The following KIF13B variants were observed in gnomAD, a reference collection of about 807,000 sequenced individuals.
KIF13B encodes kinesin family member 13B, also known as kinesin-like protein KIF13B.
Under a neutral mutation model 222.0 loss-of-function variants are expected in KIF13B, and 127 were observed. That is an observed-to-expected ratio of 0.57 (90% CI 0.50 to 0.66). The LOEUF (loss-of-function observed/expected upper bound fraction) is 0.66. Ranked by LOEUF, KIF13B falls within the 30% of genes least tolerant of loss-of-function variation. The pLI is 0.00. For missense variants in KIF13B, 2,173 were observed against 2,379.0 expected (o/e 0.91, Z 1.80); for synonymous variants, 976 against 919.0 (o/e 1.06, Z -1.12).
At chr8:29,224,361 A>C (rs997503572) in intron 2 of KIF13B, among the ~76,000 whole-genome samples, 13 of 152,136 alleles carry the variant, frequency 8.5e-5, no homozygotes, top group Admixed American at 7.2e-4. Context: ...AAAAGAAGAG[A>C]GTATATAGAA....
At chr8:29,156,232 A>G (rs1811519755) in intron 13 of KIF13B, among the ~76,000 whole-genome samples, 1 of 152,148 alleles carries the variant, frequency 6.6e-6, no homozygotes, top group Admixed American at 6.5e-5. Context: ...TGGCCTCTCA[A>G]AGTGCTGGGA....
intron 37 of KIF13B, among the ~76,000 whole-genome samples, chr8:29,076,473 A>G (rs1807564427): frequency 1.3e-5 from 2 of 152,176 alleles, no homozygotes; most frequent in Middle Eastern, 3.2e-3. Context: ...GCGTCTGGGC[A>G]CTTGAGGCCT....
chr8:29,156,690 T>A (rs891195672), intron 13 of KIF13B, among the ~76,000 whole-genome samples: 4 of 151,220 alleles, frequency 2.6e-5, no homozygotes, highest in Admixed American at 6.7e-5. Context: ...TTTTTTTTTT[T>A]TTTTTTTTTT....
chr8:29,124,844 T>G (rs1207843144), intron 26 of KIF13B, among the ~76,000 whole-genome samples: 2 of 145,722 alleles, frequency 1.4e-5, no homozygotes, highest in Non-Finnish European at 3.0e-5. Context: ...GACTGTGCCA[T>G]GGCACTCCAG....
intron 2 of KIF13B, among the ~76,000 whole-genome samples, chr8:29,243,655 CAA>C (rs879661015): frequency 2.5e-5 from 3 of 121,404 alleles, no homozygotes; most frequent in African/African-American, 3.0e-5. Flanking sequence ...GACTCTGCCT[CAA>C]AAAAAAAAAA....
chr8:29,105,855 C>T (rs1235382682), intron 35 of KIF13B, among the ~76,000 whole-genome samples: 1 of 151,750 alleles, frequency 6.6e-6, no homozygotes, highest in African/African-American at 2.4e-5. Context: ...GACGGGGTTT[C>T]ACCATGTTGG....
intron 36 of KIF13B, among the ~76,000 whole-genome samples, chr8:29,093,269 T>C (rs1297794943): frequency 1.3e-5 from 2 of 152,202 alleles, no homozygotes; most frequent in African/African-American, 2.4e-5. Context: ...TTTAAGCTCT[T>C]TGAAGTCAGG....
At chr8:29,125,251 T>A (rs1325224494) in intron 26 of KIF13B, among the ~76,000 whole-genome samples, 1 of 152,110 alleles carries the variant, frequency 6.6e-6, no homozygotes, top group African/African-American at 2.4e-5. Flanking sequence ...ATCAACAGAA[T>A]AACAACCTAC....
chr8:29,233,682 C>A (rs550056355), intron 2 of KIF13B, among the ~76,000 whole-genome samples: 4 of 152,176 alleles, frequency 2.6e-5, no homozygotes, highest in Non-Finnish European at 5.9e-5. Context: ...GAATTAGAAG[C>A]TGAGAAATTT....
intron 21 of KIF13B, among the ~76,000 whole-genome samples, chr8:29,139,086 T>G (rs1327270138): frequency 1.3e-5 from 2 of 152,076 alleles, no homozygotes; most frequent in Non-Finnish European, 2.9e-5. Flanking sequence ...TGAAACGAGG[T>G]TGACCACAGG....
intron 18 of KIF13B, among the ~76,000 whole-genome samples, chr8:29,144,450 G>T (rs1810963536): frequency 6.6e-6 from 1 of 152,024 alleles, no homozygotes. Flanking sequence ...TAGAGATGGG[G>T]TTTCATCATA....
chr8:29,250,215 T>A (rs1000948502), intron 1 of KIF13B: 6 of 390,352 alleles, frequency 1.5e-5, no homozygotes, highest in African/African-American at 1.2e-4. Flanking sequence ...GCCGTTCTCA[T>A]ACAGAATACA....
intron 6 of KIF13B, among the ~76,000 whole-genome samples, chr8:29,184,949 T>C (rs746603465): frequency 8.5e-5 from 13 of 152,144 alleles, no homozygotes; most frequent in Non-Finnish European, 1.9e-4. Flanking sequence ...CTCTTTGTTT[T>C]GGAACATTTT....
At chr8:29,136,121 C>T (rs903226234) in intron 21 of KIF13B, among the ~76,000 whole-genome samples, 13 of 152,172 alleles carry the variant, frequency 8.5e-5, no homozygotes, top group African/African-American at 3.1e-4. Flanking sequence ...TTTTATTCCT[C>T]CAAACCAAAC....
chr8:29,238,761 A>G (rs958038703), intron 2 of KIF13B, among the ~76,000 whole-genome samples: 3 of 152,220 alleles, frequency 2.0e-5, no homozygotes, highest in Admixed American at 2.0e-4. Flanking sequence ...CTCACAGAAC[A>G]CCAAAAAAAT....
At chr8:29,132,555 A>C in intron 22 of KIF13B, 90 bp from the exon 23 acceptor site, 1 of 810,590 alleles carries the variant, frequency 1.2e-6, no homozygotes, top group Non-Finnish European at 1.7e-6. Context: ...TAATTATATC[A>C]GGGAAAAAAA....
At chr8:29,173,692 C>T (rs1348244037) in intron 10 of KIF13B, among the ~76,000 whole-genome samples, 1 of 151,888 alleles carries the variant, frequency 6.6e-6, no homozygotes, top group Non-Finnish European at 1.5e-5. Context: ...GCCTGTAATC[C>T]CGGCACTTCA....
At position 29,123,405 on chromosome 8, in the gene KIF13B, G is replaced by C; in HGVS notation, c.3440C>G (p.Pro1147Arg). 1.9e-6 allele frequency: 3 copies of C among 1,613,990 alleles called. No individual in the cohort carries two copies. The highest frequency in any genetic ancestry group is 2.5e-6 in the Non-Finnish European group (3 of 1,179,890). Residue 1147 changes from proline (P) to arginine (R), a missense_variant, in exon 28 of 40, where the codon CCC becomes CGC. Pro to Arg is a moderately radical substitution (Grantham distance 103, BLOSUM62 -2). Coordinates refer to ENST00000524189, the MANE Select transcript of KIF13B (RefSeq NM_015254.4). ...CCCTGGAATACCACTGCCAGCAGAG[G>C]GGACCATCACCGCGTTCCTCTCCTC... ...LTEERNAVMV[P>R]SAGSGIPGAP... is the part of the protein sequence containing the mutation.
chr8:29,222,452 G>T (rs1289550637), intron 2 of KIF13B, among the ~76,000 whole-genome samples: 2 of 146,676 alleles, frequency 1.4e-5, no homozygotes, highest in East Asian at 4.4e-4. Context: ...CCAGGCTAAA[G>T]TGTAGTAGTA....
Sources: gnomAD v4.1 joint callset for allele counts (sites outside exome capture counted in the v4.1 genomes callset) on GRCh38, gnomAD v4.1.1 for gene constraint, MANE v1.5 for transcripts, NCBI Gene and HGNC (gene_info 2026-07-23, HGNC 2026-07-21) for gene names.